The following LSAMP variants were observed in gnomAD, a reference collection of about 807,000 sequenced individuals.
The protein encoded by LSAMP is limbic system associated membrane protein, also known as limbic system-associated membrane protein.
A neutral mutation model predicts 38.6 loss-of-function variants in LSAMP; 7 were observed. The ratio of observed to expected loss-of-function variants is 0.18; its 90% CI spans 0.10 to 0.34. The LOEUF is 0.34. Ranked by LOEUF, LSAMP falls within the 10% of genes least tolerant of loss-of-function variation. The pLI is 1.00. For missense variants in LSAMP, 313 were observed against 420.0 expected (o/e 0.75, Z 2.23); for synonymous variants, 154 against 166.8 (o/e 0.92, Z 0.59).
intron 3 of LSAMP, among the ~76,000 whole-genome samples, chr3:115,960,097 A>C (rs1938577562): frequency 6.6e-6 from 1 of 152,186 alleles, no homozygotes; most frequent in Non-Finnish European, 1.5e-5. Flanking sequence ...CCCCAAGTTC[A>C]TATGCTAAAG....
intron 1 of LSAMP, among the ~76,000 whole-genome samples, chr3:116,316,796 G>A (rs1168903630): frequency 1.5e-3 from 175 of 118,732 alleles, no homozygotes; most frequent in African/African-American, 5.0e-3. Context: ...AAAAAAAAAA[G>A]AGAAAGAAAG....
intron 3 of LSAMP, among the ~76,000 whole-genome samples, chr3:115,968,581 T>A (rs1483187661): frequency 6.6e-6 from 1 of 152,102 alleles, no homozygotes; most frequent in African/African-American, 2.4e-5. Context: ...CAAGACAAAG[T>A]TCTCTTTACT....
intron 3 of LSAMP, among the ~76,000 whole-genome samples, chr3:115,974,973 T>C (rs1030426743): frequency 1.3e-5 from 2 of 152,176 alleles, no homozygotes; most frequent in Admixed American, 6.5e-5. Flanking sequence ...GGATTCTTTT[T>C]TTATTTCTCA....
intron 2 of LSAMP, among the ~76,000 whole-genome samples, chr3:116,056,606 G>A (rs868234936): frequency 1.3e-5 from 2 of 152,036 alleles, no homozygotes; most frequent in East Asian, 1.9e-4. Flanking sequence ...TGAGCATAAC[G>A]CTTATTTTTA....
intron 3 of LSAMP, among the ~76,000 whole-genome samples, chr3:115,854,662 G>A (rs991840940): frequency 6.6e-6 from 1 of 152,098 alleles, no homozygotes; most frequent in Non-Finnish European, 1.5e-5. Flanking sequence ...AAGGGTAACT[G>A]GCCACTTTTC....
intron 2 of LSAMP, among the ~76,000 whole-genome samples, chr3:116,048,249 C>T (rs549242243): frequency 1.3e-3 from 205 of 152,260 alleles, no homozygotes; most frequent in African/African-American, 4.6e-3. Flanking sequence ...AGTTAACAAA[C>T]ATATATATCT....
At chr3:116,251,498 G>A (rs2046684417) in intron 1 of LSAMP, among the ~76,000 whole-genome samples, 1 of 152,166 alleles carries the variant, frequency 6.6e-6, no homozygotes, top group Admixed American at 6.5e-5. Context: ...CATTAGCAAA[G>A]GATAGGTCAG....
At position 116,222,720 on chromosome 3, in the gene LSAMP, C is replaced by CTTTTTTTTTTTTTTTTTTTTTTT. The variant is rs71141863; in HGVS notation, c.156-136187_156-136165dup. On this transcript the variant is annotated intron_variant, in intron 1 of 6. Transcript: ENST00000490035. ...TTTTTTGCTCACCTTTCATCCTCTC[C>CTTTTTTTTTTTTTTTTTTTTTTT]TTTTTTTTTTTTTTTTTTTTTTTTT... is the stretch of plus-strand genomic sequence containing the variant. 4.0e-5 allele frequency among the ~76,000 whole-genome samples: 2 copies of CTTTTTTTTTTTTTTTTTTTTTTT among 49,928 alleles called. 1 individual carries two copies. The highest frequency in any genetic ancestry group is 1.7e-4 in the African/African-American group (2 of 11,528). The allele number at this position is 49,928 out of a possible 152,430, so 32.8% of individuals were successfully genotyped here.
intron 1 of LSAMP, among the ~76,000 whole-genome samples, chr3:116,103,717 T>C (rs1708401673): frequency 6.6e-6 from 1 of 151,986 alleles, no homozygotes; most frequent in Admixed American, 6.6e-5. Flanking sequence ...TAAGACCTTG[T>C]GCCATGTCAC....
At chr3:116,179,578 C>T (rs1428506379) in intron 1 of LSAMP, among the ~76,000 whole-genome samples, 1 of 152,088 alleles carries the variant, frequency 6.6e-6, no homozygotes, top group African/African-American at 2.4e-5. Context: ...AACTTTCAAT[C>T]ATGCTGAAAG....
At chr3:116,265,430 C>A (rs1430569045) in intron 1 of LSAMP, among the ~76,000 whole-genome samples, 2 of 152,154 alleles carry the variant, frequency 1.3e-5, no homozygotes, top group Admixed American at 6.5e-5. Context: ...CTTTTCAAAT[C>A]CACACATTGA....
intron 1 of LSAMP, among the ~76,000 whole-genome samples, chr3:116,426,959 T>C (rs1371653293): frequency 6.6e-6 from 1 of 152,046 alleles, no homozygotes; most frequent in Non-Finnish European, 1.5e-5. Context: ...GTTTTTCTGG[T>C]AGCATACAAC....
At chr3:116,380,226 A>G (rs1054340301) in intron 1 of LSAMP, among the ~76,000 whole-genome samples, 6 of 152,044 alleles carry the variant, frequency 3.9e-5, no homozygotes, top group Non-Finnish European at 8.8e-5. Context: ...AAAGGGCTGA[A>G]CATAGTATTT....
chr3:116,327,723 CTTA>C (rs1434180577), intron 1 of LSAMP, among the ~76,000 whole-genome samples: 8 of 152,086 alleles, frequency 5.3e-5, no homozygotes, highest in African/African-American at 1.2e-4. Context: ...CTAATAACAT[CTTA>C]TTATGTGTTT....
At chr3:116,011,779 A>C (rs1361934233) in intron 3 of LSAMP, among the ~76,000 whole-genome samples, 2 of 152,216 alleles carry the variant, frequency 1.3e-5, no homozygotes, top group African/African-American at 4.8e-5. Flanking sequence ...GAAGAAAAAG[A>C]GACCAGGATC....
At chr3:115,997,997 T>C (rs949145830) in intron 3 of LSAMP, among the ~76,000 whole-genome samples, 8 of 149,816 alleles carry the variant, frequency 5.3e-5, no homozygotes, top group Non-Finnish European at 8.9e-5. Context: ...ATATGGGGCT[T>C]TTCTGTGCAT....
At chr3:115,842,985 T>C (rs1215154505) in intron 4 of LSAMP, among the ~76,000 whole-genome samples, 1 of 152,230 alleles carries the variant, frequency 6.6e-6, no homozygotes, top group Non-Finnish European at 1.5e-5. Context: ...TTTCTTTTTC[T>C]TCTTGTCATT....
At chr3:116,069,909 A>T (rs989215735) in intron 2 of LSAMP, among the ~76,000 whole-genome samples, 2 of 152,216 alleles carry the variant, frequency 1.3e-5, no homozygotes, top group African/African-American at 2.4e-5. Context: ...AGATGTTACC[A>T]TTAAAGATGA....
chr3:116,039,658 G>A (rs73139177), intron 2 of LSAMP, among the ~76,000 whole-genome samples: 29,821 of 152,156 alleles, frequency 0.2, 3,106 homozygotes, highest in Admixed American at 0.25. Flanking sequence ...GAGTGGGAGA[G>A]AAGGTGGGAA....
Sources: gnomAD v4.1 joint callset for allele counts (sites outside exome capture counted in the v4.1 genomes callset) on GRCh38, gnomAD v4.1.1 for gene constraint, MANE v1.5 for transcripts, NCBI Gene and HGNC (gene_info 2026-07-23, HGNC 2026-07-21) for gene names.